The following CCDC158 variants were observed in gnomAD, a reference collection of about 807,000 sequenced individuals.
CCDC158 encodes the protein coiled-coil domain-containing protein 158.
In CCDC158, 116 loss-of-function variants were observed where a neutral mutation model predicts 138.6. The observed-to-expected ratio is 0.84, with a 90% CI of 0.72 to 0.98. CCDC158 has a LOEUF of 0.98. Among genes scored for constraint, CCDC158 ranks in the 50% least tolerant of loss-of-function variants. CCDC158 has a pLI of 0.00. For synonymous variants in CCDC158, 436 were observed against 442.4 expected (o/e 0.99, Z 0.18); for missense variants, 1,265 against 1,306.1 (o/e 0.97, Z 0.48).
chr4:76,351,987 C>T lies in CCDC158; in HGVS notation c.2446-175G>A, dbSNP rs1352047792. 5 of 531,990 alleles carry T rather than the reference C, an allele frequency of 9.4e-6. No individual in the cohort carries two copies. The Admixed American group carries it at 1.4e-4, about 15-fold the overall frequency. The allele number at this position is 531,990 out of a possible 1,614,324, so 33.0% of individuals were successfully genotyped here. On this transcript the variant is annotated intron_variant, in intron 16 of 24. Coordinates refer to ENST00000682701, the MANE Select transcript of CCDC158 (RefSeq NM_001394954.1). ...TTAGTGAACTGTGAGCAACTGGAGG[C>T]CATGTTTTTATCCTCTATACCCCCA...
At chr4:76,372,991 G>C (rs1047822421) in intron 9 of CCDC158, among the ~76,000 whole-genome samples, 1 of 152,172 alleles carries the variant, frequency 6.6e-6, no homozygotes, top group African/African-American at 2.4e-5. Context: ...TGGGATTATA[G>C]GTGCCCGCCA....
Position 76,364,878 on chromosome 4 carries a change from G to A in CCDC158, c.1830+2416C>T, listed in dbSNP as rs531209611. 8.5e-4 allele frequency among the ~76,000 whole-genome samples: 130 copies of A among 152,292 alleles called. 1 individual carries two copies. The highest frequency in any genetic ancestry group is 4.3e-3 in the Admixed American group (66 of 15,300). On this transcript the variant is annotated intron_variant, in intron 12 of 24. Transcript: ENST00000682701. ...GCTGTTCAAAAAGGATTGGTGGGGA[G>A]CCCCAGGCTTGTCTCACTGCCCGCC...
At chr4:76,323,464 A>C in intron 23 of CCDC158, 55 bp from the exon 24 acceptor site, 1 of 1,348,238 alleles carries the variant, frequency 7.4e-7, no homozygotes, top group Non-Finnish European at 1.0e-6. Flanking sequence ...ATTTCCTTTT[A>C]GAAATCTTTG....
chr4:76,404,628 T>A (rs988900887), intron 2 of CCDC158, among the ~76,000 whole-genome samples: 4 of 152,044 alleles, frequency 2.6e-5, no homozygotes, highest in African/African-American at 7.2e-5. Context: ...AAAGACTGAA[T>A]CACAAAGTAC....
chr4:76,323,211 T>G, intron 24 of CCDC158, 91 bp downstream of exon 24: 6 of 848,028 alleles, frequency 7.1e-6, no homozygotes, highest in Non-Finnish European at 9.4e-6. Context: ...TCAATACCCT[T>G]TCAGCAGGTC....
At chr4:76,344,065 T>C (rs1467363758) in intron 18 of CCDC158, among the ~76,000 whole-genome samples, 1 of 152,182 alleles carries the variant, frequency 6.6e-6, no homozygotes, top group African/African-American at 2.4e-5. Flanking sequence ...AGTGAAATTG[T>C]CTTTGTTTGC....
chr4:76,354,702 C>T (rs1278491297), intron 15 of CCDC158, among the ~76,000 whole-genome samples: 1 of 152,070 alleles, frequency 6.6e-6, no homozygotes, highest in Non-Finnish European at 1.5e-5. Flanking sequence ...CCTCAAACAC[C>T]CACCTACCGG....
chr4:76,340,361 G>A (rs1721937978), intron 18 of CCDC158, among the ~76,000 whole-genome samples: 1 of 152,194 alleles, frequency 6.6e-6, no homozygotes, highest in Non-Finnish European at 1.5e-5. Flanking sequence ...GGAAGGAATG[G>A]ATCCGTCACC....
intron 23 of CCDC158, among the ~76,000 whole-genome samples, chr4:76,324,479 G>A (rs977638707): frequency 4.6e-5 from 7 of 152,094 alleles, no homozygotes; most frequent in Admixed American, 2.6e-4. Flanking sequence ...GAGCCACAGC[G>A]CCCAGCCAGA....
In CCDC158 at chr4:76,320,987, G is replaced by C. The variant is rs146318749; in HGVS notation, c.3277+2315C>G. 5.1e-4 allele frequency among the ~76,000 whole-genome samples: 77 copies of C among 152,186 alleles called. 1 individual carries two copies. The highest frequency in any genetic ancestry group is 1.8e-3 in the African/African-American group (73 of 41,512). On this transcript the variant is annotated intron_variant, in intron 24 of 24. Transcript: ENST00000682701. The stretch of plus-strand genomic sequence containing the variant: ...GAGTAAACAGACAACCCACAGAGTG[G>C]AAGAAAATATTTGCAAACTGTGCAT...
At chr4:76,315,426 G>C (rs561317690) in intron 24 of CCDC158, among the ~76,000 whole-genome samples, 1 of 152,148 alleles carries the variant, frequency 6.6e-6, no homozygotes, top group Non-Finnish European at 1.5e-5. Context: ...CCAACTTAGG[G>C]CAAGCTTACA....
chr4:76,350,450 G>A (rs1198515541), intron 18 of CCDC158, among the ~76,000 whole-genome samples: 1 of 151,886 alleles, frequency 6.6e-6, no homozygotes, highest in Non-Finnish European at 1.5e-5. Flanking sequence ...TGGTTGCAAG[G>A]GATTTGTGGT....
intron 6 of CCDC158, 65 bp downstream of exon 6, chr4:76,384,023 A>G: frequency 8.7e-7 from 1 of 1,149,668 alleles, no homozygotes; most frequent in East Asian, 2.6e-5. Flanking sequence ...AAAATTATAC[A>G]TCTAATGCTA....
chr4:76,314,129 T>C (rs1350140251), intron 24 of CCDC158, among the ~76,000 whole-genome samples: 1 of 152,184 alleles, frequency 6.6e-6, no homozygotes, highest in East Asian at 1.9e-4. Flanking sequence ...GTTTTGACAG[T>C]CCTCCCAGAA....
At chr4:76,321,646 C>T (rs1216441715) in intron 24 of CCDC158, among the ~76,000 whole-genome samples, 2 of 145,936 alleles carry the variant, frequency 1.4e-5, no homozygotes, top group Non-Finnish European at 3.0e-5. Context: ...TCCCATTCTT[C>T]CCCCATATAT....
chr4:76,328,863 T>C (rs199700790), intron 22 of CCDC158, 37 bp downstream of exon 22: 16 of 1,556,894 alleles, frequency 1.0e-5, no homozygotes, highest in Non-Finnish European at 1.4e-5. Flanking sequence ...GGGGAGACAT[T>C]GTAGGGCCTA....
intron 4 of CCDC158, among the ~76,000 whole-genome samples, chr4:76,392,878 T>A (rs1242981194): frequency 6.6e-6 from 1 of 151,470 alleles, no homozygotes; most frequent in Non-Finnish European, 1.5e-5. Flanking sequence ...AAAAAAGTAA[T>A]CCCATTACAA....
chr4:76,392,229 T>C (rs1329506175), intron 4 of CCDC158, among the ~76,000 whole-genome samples: 1 of 151,906 alleles, frequency 6.6e-6, no homozygotes, highest in Non-Finnish European at 1.5e-5. Flanking sequence ...CTTAACAAAA[T>C]ACTAGCAAGC....
chr4:76,389,319 G>A (rs1281548520), intron 4 of CCDC158, among the ~76,000 whole-genome samples: 1 of 151,962 alleles, frequency 6.6e-6, no homozygotes, highest in Non-Finnish European at 1.5e-5. Context: ...TGCAATTGCT[G>A]TATTGAAGAA....
Sources: allele counts gnomAD v4.1 joint callset (sites outside exome capture counted in the v4.1 genomes callset), GRCh38; gene constraint gnomAD v4.1.1; transcripts MANE v1.5; gene names NCBI Gene and HGNC (gene_info 2026-07-23, HGNC 2026-07-21).